PITPNM2: variants seen among roughly 807,000 people sequenced by gnomAD.
The protein encoded by PITPNM2 is membrane-associated phosphatidylinositol transfer protein 2.
PITPNM2 carries 35 observed loss-of-function variants against 132.2 expected under a neutral mutation model. The ratio of observed to expected loss-of-function variants is 0.26; its 90% CI spans 0.20 to 0.35. The LOEUF (loss-of-function observed/expected upper bound fraction) is 0.35, where lower values mean the gene tolerates loss of function less well. Among genes scored for constraint, PITPNM2 ranks in the 10% least tolerant of loss-of-function variants. PITPNM2 has a pLI of 1.00. For missense variants in PITPNM2, 1,332 were observed against 1,912.0 expected (o/e 0.70, Z 5.66); for synonymous variants, 738 against 799.2 (o/e 0.92, Z 1.29).
chr12:123,119,812 T>C (rs1375768642), intron 1 of PITPNM2, among the ~76,000 whole-genome samples: 1 of 150,958 alleles, frequency 6.6e-6, no homozygotes, highest in Non-Finnish European at 1.5e-5. Context: ...TTTTTTTGAG[T>C]TTGGGGTGTT....
At chr12:123,063,800 C>A (rs1338562280) in intron 2 of PITPNM2, among the ~76,000 whole-genome samples, 2 of 152,196 alleles carry the variant, frequency 1.3e-5, no homozygotes, top group Non-Finnish European at 2.9e-5. Context: ...AGCTCCACCC[C>A]TCACTTGGTC....
chr12:122,987,218 G>A, intron 23 of PITPNM2, 63 bp downstream of exon 23: 1 of 1,593,682 alleles, frequency 6.3e-7, no homozygotes, highest in South Asian at 1.1e-5. Flanking sequence ...CCACCTGGCT[G>A]GTGGGAGCCC....
intron 2 of PITPNM2, among the ~76,000 whole-genome samples, chr12:123,076,493 C>T (rs894136683): frequency 3.3e-5 from 5 of 152,200 alleles, no homozygotes; most frequent in Non-Finnish European, 1.5e-5. Flanking sequence ...GTTATTAAAA[C>T]AATCTGACAG....
intron 3 of PITPNM2, 121 bp downstream of exon 3, chr12:123,034,392 A>T: frequency 1.1e-6 from 1 of 895,974 alleles, no homozygotes; most frequent in Non-Finnish European, 1.8e-6. Flanking sequence ...CACACTTACC[A>T]GGAAGTTCTG....
At chr12:123,141,012 C>T (rs1168282563) in intron 1 of PITPNM2, among the ~76,000 whole-genome samples, 2 of 151,508 alleles carry the variant, frequency 1.3e-5, no homozygotes, top group Non-Finnish European at 2.9e-5. Flanking sequence ...CTTTGTACTG[C>T]TTAGACTCAA....
In PITPNM2 at chr12:123,005,561, G is replaced by A. The variant is rs757623214; in HGVS notation, c.644-13C>T. 1 of 1,608,984 alleles carries A rather than the reference G, an allele frequency of 6.2e-7. No individual in the cohort carries two copies. Among genetic ancestry groups the A allele is most frequent in the Non-Finnish European group, 8.5e-7 (1 of 1,177,240 alleles). ...ACCCTCCGTAGTCCTGTGCCCCATG[G>A]GGATCAGAGAGGGAGAGACGAGGGG... On this transcript the variant is annotated splice_polypyrimidine_tract_variant and intron_variant, in intron 6 of 25. Coordinates refer to ENST00000320201, the MANE Select transcript of PITPNM2 (RefSeq NM_020845.3). This position sits in a 1 kb window ranked among gnomAD's most constrained non-coding sequence, Gnocchi z 6.2.
chr12:122,995,123 C>T, intron 14 of PITPNM2, 144 bp from the exon 15 acceptor site: 1 of 1,037,626 alleles, frequency 9.6e-7, no homozygotes, highest in South Asian at 1.7e-5. Context: ...TGCCCCTGGT[C>T]CATTCTGCCC....
intron 18 of PITPNM2, 56 bp downstream of exon 18, chr12:122,989,731 A>G: frequency 7.5e-7 from 1 of 1,328,894 alleles, no homozygotes; most frequent in Non-Finnish European, 9.7e-7. Flanking sequence ...CCTGGCAGTG[A>G]GGGGTGCTCA....
chr12:123,116,046 G>A (rs1429053257), intron 1 of PITPNM2, among the ~76,000 whole-genome samples: 1 of 152,194 alleles, frequency 6.6e-6, no homozygotes, highest in Non-Finnish European at 1.5e-5. Context: ...GCCGGGGACT[G>A]TTACTTTGGT....
intron 2 of PITPNM2, among the ~76,000 whole-genome samples, chr12:123,035,676 AAC>A (rs1173524459): frequency 6.6e-6 from 1 of 151,922 alleles, no homozygotes; most frequent in African/African-American, 2.4e-5. Flanking sequence ...CAAAAAAAAA[AAC>A]AAAAACTTGG....
chr12:123,034,626 C>G lies in PITPNM2; in HGVS notation c.-36G>C, dbSNP rs375703796. On this transcript the variant is annotated 5_prime_UTR_variant, in exon 3 of 26. Coordinates refer to ENST00000320201, the MANE Select transcript of PITPNM2 (RefSeq NM_020845.3). ...AAGCCTTCCCGTCGATGGGGAACTG[C>G]AAGTTGGGACTTCTAGGCAAGGTTC... 6.3e-7 allele frequency: 1 copy of G among 1,584,266 alleles called. No individual in the cohort carries two copies. Among genetic ancestry groups the G allele is most frequent in the Non-Finnish European group, 8.7e-7 (1 of 1,152,762 alleles).
At chr12:123,067,176 G>A (rs2041451544) in intron 2 of PITPNM2, among the ~76,000 whole-genome samples, 1 of 152,156 alleles carries the variant, frequency 6.6e-6, no homozygotes, top group Admixed American at 6.5e-5. Flanking sequence ...TACAGCCATG[G>A]CCATGCATGG....
rs1370177220 is a variant in PITPNM2 at position 123,008,092 on chromosome 12, G to A, written c.643+1758C>T. On this transcript the variant is annotated intron_variant, in intron 6 of 25. Coordinates refer to ENST00000320201, the MANE Select transcript of PITPNM2 (RefSeq NM_020845.3). This position sits in a 1 kb window ranked among gnomAD's most constrained non-coding sequence, Gnocchi z 4.1. Reference sequence around the variant, plus strand: ...GAAGAGAAAAGCAAAGCTCAGTGAGGCTGAGAGACCACAGAGCCACTACGT... The same window carrying A: ...GAAGAGAAAAGCAAAGCTCAGTGAGACTGAGAGACCACAGAGCCACTACGT... Among the ~76,000 whole-genome samples the A allele has an allele frequency of 6.6e-6, 1 of 152,214 alleles. No homozygotes were observed. The highest frequency in any genetic ancestry group is 1.5e-5 in the Non-Finnish European group (1 of 68,038).
At position 123,078,198 on chromosome 12, in the gene PITPNM2, A is replaced by G. The variant is rs1361829161; in HGVS notation, c.-96+32187T>C. ...ATGGAGAAAGGGGAGCCGCTGGCAGAGCCCAAGGCGGGCGGAGGAGCCATA... is the reference window on the plus strand; with the variant it reads ...ATGGAGAAAGGGGAGCCGCTGGCAGGGCCCAAGGCGGGCGGAGGAGCCATA... On this transcript the variant is annotated intron_variant, in intron 2 of 25. Coordinates refer to ENST00000320201, the MANE Select transcript of PITPNM2 (RefSeq NM_020845.3). The surrounding 1 kb of genome is among the most constrained non-coding windows in gnomAD (Gnocchi z 7.3). Among the ~76,000 whole-genome samples, 2 of 152,210 alleles carry G rather than the reference A, an allele frequency of 1.3e-5. No individual in the cohort carries two copies. The highest frequency in any genetic ancestry group is 4.8e-5 in the African/African-American group (2 of 41,446).
intron 1 of PITPNM2, among the ~76,000 whole-genome samples, chr12:123,119,587 T>C (rs1219898340): frequency 6.6e-6 from 1 of 151,890 alleles, no homozygotes; most frequent in Non-Finnish European, 1.5e-5. Flanking sequence ...CTTGATCTCC[T>C]GACCTCGTGA....
intron 2 of PITPNM2, among the ~76,000 whole-genome samples, chr12:123,107,826 G>C (rs1185300924): frequency 6.6e-6 from 1 of 152,212 alleles, no homozygotes; most frequent in African/African-American, 2.4e-5. Flanking sequence ...GGCACCCAAA[G>C]GCAAGTCTCC....
chr12:123,032,875 C>T (rs760334391), intron 3 of PITPNM2, among the ~76,000 whole-genome samples: 3 of 152,150 alleles, frequency 2.0e-5, no homozygotes, highest in African/African-American at 4.8e-5. Context: ...GAGCAAACAG[C>T]CCCCCGGAGA....
rs181563693 is a variant in PITPNM2 at position 123,127,281 on chromosome 12, C to T, written c.-199-16793G>A. Among the ~76,000 whole-genome samples the T allele has an allele frequency of 7.9e-5, 12 of 152,280 alleles. No individual in the cohort carries two copies. The East Asian group carries it at 1.4e-3, about 17-fold the overall frequency. On this transcript the variant is annotated intron_variant, in intron 1 of 25. Transcript: ENST00000320201. ...CCCTCCATTTCCTGGGAGTCCAGGT[C>T]GCAGGGGACCCAGGAGGTGCTGGCA...
At position 122,986,209 on chromosome 12, in the gene PITPNM2, G is replaced by A. The variant is rs759423431; in HGVS notation, c.3868C>T (p.Arg1290Trp). 33 of 1,560,928 alleles carry A rather than the reference G, an allele frequency of 2.1e-5. No individual in the cohort carries two copies. The highest frequency in any genetic ancestry group is 1.2e-4 in the South Asian group (10 of 85,580). ...LPGQGDFLRS[R>W]NHLLRTISAQ... is the part of the protein sequence containing the mutation. Reference sequence around the variant, plus strand: ...GAGATGGTGCGAAGCAGGTGGTTCCGGGAGCGCAGAAAGTCGCCCTGGCCG... The same window carrying A: ...GAGATGGTGCGAAGCAGGTGGTTCCAGGAGCGCAGAAAGTCGCCCTGGCCG... Residue 1290 changes from arginine (R) to tryptophan (W), a missense_variant, in exon 26 of 26, where the codon CGG becomes TGG. Around this residue, in one of 6 missense-constraint regions of PITPNM2, gnomAD observed 163 missense variants for 177.2 expected, o/e 0.92. Coordinates refer to ENST00000320201, the MANE Select transcript of PITPNM2 (RefSeq NM_020845.3).
Sources: gnomAD v4.1 joint callset for allele counts (sites outside exome capture counted in the v4.1 genomes callset) on GRCh38, gnomAD v4.1.1 for gene constraint, gnomAD v4.1.1 regional missense constraint, Gnocchi (gnomAD v3.1) non-coding constraint, MANE v1.5 for transcripts, NCBI Gene and HGNC (gene_info 2026-07-23, HGNC 2026-07-21) for gene names.